The following MTDH variants were observed in gnomAD, a reference collection of about 807,000 sequenced individuals.
MTDH encodes the protein metadherin, also known as protein LYRIC.
MTDH carries 34 observed loss-of-function variants against 72.7 expected under a neutral mutation model. That is an observed-to-expected ratio of 0.47 (90% confidence interval 0.36 to 0.62). The LOEUF (loss-of-function observed/expected upper bound fraction) is 0.62. MTDH is among the 20% of genes least tolerant of loss of function. MTDH has a pLI of 0.00. For synonymous variants in MTDH, 266 were observed against 268.9 expected (o/e 0.99, Z 0.10); for missense variants, 677 against 699.4 (o/e 0.97, Z 0.36).
chr8:97,700,341 T>C (rs1423051945), intron 7 of MTDH, among the ~76,000 whole-genome samples: 1 of 152,074 alleles, frequency 6.6e-6, no homozygotes, highest in Non-Finnish European at 1.5e-5. Context: ...AAAAAAAAAA[T>C]TATGAGTTTT....
intron 2 of MTDH, among the ~76,000 whole-genome samples, chr8:97,667,796 A>G (rs1331372734): frequency 6.7e-6 from 1 of 148,586 alleles, no homozygotes; most frequent in South Asian, 2.2e-4. Context: ...GTTCAAGACT[A>G]GCCTGGGCAA....
chr8:97,722,747 G>A (rs2131089763), intron 10 of MTDH, 132 bp from the exon 11 acceptor site: 1 of 743,770 alleles, frequency 1.3e-6, no homozygotes, highest in Non-Finnish European at 2.1e-6. Context: ...GGGCAGGTAT[G>A]AGTTACATTG....
chr8:97,652,572 C>T (rs895087837), intron 1 of MTDH, among the ~76,000 whole-genome samples: 6 of 152,132 alleles, frequency 3.9e-5, no homozygotes, highest in Non-Finnish European at 5.9e-5. Context: ...GATTGTAAAC[C>T]GGTGGCAAAC....
chr8:97,683,503 C>G (rs955729271), intron 2 of MTDH, among the ~76,000 whole-genome samples: 1 of 151,882 alleles, frequency 6.6e-6, no homozygotes, highest in Non-Finnish European at 1.5e-5. Context: ...TTGAGTGATC[C>G]TCCCACCTCA....
chr8:97,701,877 C>CTGAT (rs1256569462), intron 7 of MTDH, among the ~76,000 whole-genome samples: 1 of 152,170 alleles, frequency 6.6e-6, no homozygotes, highest in Non-Finnish European at 1.5e-5. Flanking sequence ...GGATTCTATA[C>CTGAT]TTAATCAAAG....
At chr8:97,645,610 G>A (rs1291678157) in intron 1 of MTDH, among the ~76,000 whole-genome samples, 1 of 152,156 alleles carries the variant, frequency 6.6e-6, no homozygotes, top group African/African-American at 2.4e-5. Context: ...TTGTGAAATA[G>A]AGTAAAGGGA....
intron 2 of MTDH, among the ~76,000 whole-genome samples, chr8:97,685,731 G>T (rs1292456925): frequency 6.6e-6 from 1 of 150,670 alleles, no homozygotes; most frequent in Admixed American, 6.6e-5. Flanking sequence ...CTGCACTCCA[G>T]CCTGGGTGAC....
intron 2 of MTDH, among the ~76,000 whole-genome samples, chr8:97,669,337 G>C (rs1041979807): frequency 6.6e-6 from 1 of 151,620 alleles, no homozygotes; most frequent in African/African-American, 2.4e-5. Flanking sequence ...TAATAGAGAC[G>C]GGGTTTCACC....
intron 9 of MTDH, among the ~76,000 whole-genome samples, chr8:97,718,078 G>T (rs1450453044): frequency 1.3e-5 from 2 of 150,850 alleles, no homozygotes; most frequent in Non-Finnish European, 2.9e-5. Flanking sequence ...TAGAGATAGG[G>T]TTTCACCATG....
At chr8:97,690,012 T>A (rs1443543899) in intron 5 of MTDH, among the ~76,000 whole-genome samples, 120 of 120,308 alleles carry the variant, frequency 1.0e-3, no homozygotes, top group African/African-American at 3.8e-3. Context: ...TTTTTTTTTT[T>A]AAAGACAGAG....
At chr8:97,653,374 A>G (rs1279241341) in intron 1 of MTDH, among the ~76,000 whole-genome samples, 1 of 152,198 alleles carries the variant, frequency 6.6e-6, no homozygotes, top group Non-Finnish European at 1.5e-5. Context: ...TCAGAGAACA[A>G]ATAGAGTTTT....
chr8:97,693,773 T>C (rs2438196), intron 6 of MTDH, among the ~76,000 whole-genome samples: 26,550 of 152,200 alleles, frequency 0.17, 3,479 homozygotes, highest in African/African-American at 0.34. Flanking sequence ...TGGAGTGCAG[T>C]GGTGTGATCA....
intron 1 of MTDH, among the ~76,000 whole-genome samples, chr8:97,656,088 A>G (rs879631914): frequency 2.0e-5 from 3 of 152,120 alleles, no homozygotes; most frequent in East Asian, 3.9e-4. Context: ...TTCTAAACCT[A>G]AGAAGTTTCT....
intron 1 of MTDH, among the ~76,000 whole-genome samples, chr8:97,652,255 T>C (rs1027391710): frequency 2.6e-5 from 4 of 152,236 alleles, no homozygotes; most frequent in Admixed American, 2.0e-4. Context: ...CATTCTAAGC[T>C]GAATTTGTGT....
At chr8:97,665,477 T>G (rs900636525) in intron 2 of MTDH, among the ~76,000 whole-genome samples, 1 of 152,106 alleles carries the variant, frequency 6.6e-6, no homozygotes, top group African/African-American at 2.4e-5. Context: ...ACAGGCTAGT[T>G]AAGGAAAGGC....
Position 97,729,002 on chromosome 8 carries a change from C to G in MTDH, c.*4332C>G, listed in dbSNP as rs1446727595. On this transcript the variant is annotated 3_prime_UTR_variant, in exon 12 of 12. Coordinates refer to ENST00000336273, the MANE Select transcript of MTDH (RefSeq NM_178812.4). ...TTCTGGCTCACTTCAGCCTGGAACT[C>G]CCGGGCTCGAGCTATATTCTCCCAC... is the stretch of plus-strand genomic sequence containing the variant. Among the ~76,000 whole-genome samples, 1 of 151,086 alleles carries G rather than the reference C, an allele frequency of 6.6e-6. No homozygotes were observed. The highest frequency in any genetic ancestry group is 1.5e-5 in the Non-Finnish European group (1 of 67,826).
intron 1 of MTDH, among the ~76,000 whole-genome samples, chr8:97,654,281 AGTTTATGTAGTTGCTG>A (rs1811882589): frequency 6.6e-6 from 1 of 152,222 alleles, no homozygotes; most frequent in Admixed American, 6.5e-5. Flanking sequence ...GTGTATGTTT[AGTTTATGTAGTTGCTG>A]TGTGCATAAC....
chr8:97,657,764 C>T (rs1812034952), intron 1 of MTDH, among the ~76,000 whole-genome samples: 1 of 152,104 alleles, frequency 6.6e-6, no homozygotes, highest in African/African-American at 2.4e-5. Context: ...TTGCCTTGGC[C>T]TCCCAAAGTG....
At chr8:97,653,050 C>T (rs942164249) in intron 1 of MTDH, among the ~76,000 whole-genome samples, 1 of 150,648 alleles carries the variant, frequency 6.6e-6, no homozygotes, top group Non-Finnish European at 1.5e-5. Context: ...ACCCGGGAGG[C>T]GGAGGTTGCA....
Sources: allele counts gnomAD v4.1 joint callset (sites outside exome capture counted in the v4.1 genomes callset), GRCh38; gene constraint gnomAD v4.1.1; transcripts MANE v1.5; gene names NCBI Gene and HGNC (gene_info 2026-07-23, HGNC 2026-07-21).